Variants in PKNOX1 observed in about 807,000 individuals in gnomAD.
PKNOX1 encodes the protein homeobox protein PKNOX1.
Under a neutral mutation model 51.9 loss-of-function variants are expected in PKNOX1, and 15 were observed. The observed-to-expected ratio is 0.29, with a 90% CI of 0.19 to 0.45. The LOEUF (loss-of-function observed/expected upper bound fraction) is 0.45, where lower values mean the gene tolerates loss of function less well. Among genes scored for constraint, PKNOX1 ranks in the 20% least tolerant of loss-of-function variants. The probability of loss-of-function intolerance (pLI) is 1.00; values close to 1 mark genes in which losing one functional copy is unlikely to be tolerated. For synonymous variants in PKNOX1, 219 were observed against 211.1 expected (o/e 1.04, Z -0.32); for missense variants, 462 against 547.5 (o/e 0.84, Z 1.56).
chr21:43,017,064 G>A (rs1000331560), intron 6 of PKNOX1, 57 bp downstream of exon 6: 3 of 1,136,762 alleles, frequency 2.6e-6, no homozygotes. Flanking sequence ...AAATGGTCCT[G>A]TGTGTTAGAA....
intron 4 of PKNOX1, 21 bp from the exon 5 acceptor site, chr21:43,013,047 T>G: frequency 6.4e-7 from 1 of 1,559,676 alleles, no homozygotes; most frequent in South Asian, 1.2e-5. Flanking sequence ...TCTCTGAAAG[T>G]CTTCATTTTC....
chr21:43,026,600 T>C (rs1266666353), intron 9 of PKNOX1, among the ~76,000 whole-genome samples: 1 of 151,978 alleles, frequency 6.6e-6, no homozygotes, highest in Non-Finnish European at 1.5e-5. Flanking sequence ...CTACTAAAAA[T>C]AGAAAAATTA....
In PKNOX1 at chr21:43,021,440, G is replaced by A. The variant is rs756227647; in HGVS notation, c.849+9G>A. On this transcript the variant is annotated intron_variant, in intron 8 of 10. Transcript: ENST00000291547. This position sits in a 1 kb window ranked among gnomAD's most constrained non-coding sequence, Gnocchi z 4.6. ...TCTTCCAGCACATCGGGGTAAGGAC[G>A]GCTGGGCCAGCCCTTGCCTTGCAGC... The A allele has an allele frequency of 9.4e-6, 15 of 1,599,594 alleles. No individual in the cohort carries two copies. In the East Asian group the frequency reaches 1.3e-4, roughly 14 times the overall value.
intron 5 of PKNOX1, among the ~76,000 whole-genome samples, chr21:43,016,664 C>G (rs1335189940): frequency 6.6e-6 from 1 of 152,164 alleles, no homozygotes; most frequent in Non-Finnish European, 1.5e-5. Context: ...TGAAGATAAT[C>G]TTTTGGAAGC....
chr21:43,009,610 CAA>C lies in PKNOX1; in HGVS notation c.180-424_180-423del, dbSNP rs1202062070. The stretch of plus-strand genomic sequence containing the variant: ...TGGGCGACAGAGTGAGACTCCATCT[CAA>C]AAAAAAAAAAAAAAAAAAGGAATAA... On this transcript the variant is annotated intron_variant, in intron 3 of 10. Transcript: ENST00000291547. Among the ~76,000 whole-genome samples the C allele has an allele frequency of 5.3e-5, 4 of 76,146 alleles. No homozygotes were observed. In the South Asian group the frequency reaches 2.0e-3, roughly 39 times the overall value. The allele number at this position is 76,146 out of a possible 152,430, so 50.0% of individuals were successfully genotyped here. A position where few individuals can be genotyped will look rare whatever the true frequency, so the allele number is the denominator to read the frequency against.
Position 43,013,213 on chromosome 21 carries a change from G to C in PKNOX1, c.497G>C (p.Ser166Thr), listed in dbSNP as rs759528461. 9 of 1,612,530 alleles carry C rather than the reference G, an allele frequency of 5.6e-6. No individual in the cohort carries two copies. Among genetic ancestry groups the C allele is most frequent in the Non-Finnish European group, 7.6e-6 (9 of 1,179,212 alleles). Reference protein sequence around the residue: ...SETLLSGEPGSPYSPVQSQQI... With the variant: ...SETLLSGEPGTPYSPVQSQQI... ...ACTCTGTTGAGTGGAGAGCCTGGAA[G>C]CCCGTACTCACCAGTGCAGTCCCAG... Residue 166 changes from serine to threonine, a missense_variant, in exon 5 of 11, where the codon AGC (serine) becomes ACC (threonine). Transcript: ENST00000291547.
chr21:42,981,864 A>G (rs1366104890), intron 1 of PKNOX1, among the ~76,000 whole-genome samples: 1 of 152,176 alleles, frequency 6.6e-6, no homozygotes, highest in Non-Finnish European at 1.5e-5. Context: ...GGGATAAAGA[A>G]AACAGGAGTC....
intron 1 of PKNOX1, among the ~76,000 whole-genome samples, chr21:42,987,404 A>AAAAAAAATATATAT: frequency 9.7e-5 from 4 of 41,414 alleles, no homozygotes; most frequent in African/African-American, 2.8e-4. Flanking sequence ...AAAAAAAAAA[A>AAAAAAAATATATAT]ATATATATAT....
In PKNOX1 at chr21:43,021,180, A is replaced by T; in HGVS notation, c.721-123A>T. On this transcript the variant is annotated intron_variant, in intron 7 of 10. Coordinates refer to ENST00000291547, the MANE Select transcript of PKNOX1 (RefSeq NM_004571.5). This position sits in a 1 kb window ranked among gnomAD's most constrained non-coding sequence, Gnocchi z 4.6. Reference sequence around the variant, plus strand: ...ATCAGTCCACACAGGGTTCCCGTGCATGGGCCTCGACTACAATCATTTCCC... The same window carrying T: ...ATCAGTCCACACAGGGTTCCCGTGCTTGGGCCTCGACTACAATCATTTCCC... 1.4e-6 allele frequency: 1 copy of T among 721,532 alleles called. No individual in the cohort carries two copies. The highest frequency in any genetic ancestry group is 2.2e-6 in the Non-Finnish European group (1 of 444,844). The allele number at this position is 721,532 out of a possible 1,614,324, so 44.7% of individuals were successfully genotyped here. A position where few individuals can be genotyped will look rare whatever the true frequency, so the allele number is the denominator to read the frequency against.
intron 1 of PKNOX1, among the ~76,000 whole-genome samples, chr21:43,001,612 C>T (rs1978757410): frequency 6.6e-6 from 1 of 152,180 alleles, no homozygotes; most frequent in South Asian, 2.1e-4. Context: ...AGGCTGTTCT[C>T]TCTCTTCCTG....
In PKNOX1 at chr21:43,018,180, G is replaced by A. The variant is rs758120734; in HGVS notation, c.670G>A (p.Val224Met). The A allele has an allele frequency of 2.5e-6, 4 of 1,613,566 alleles. No homozygotes were observed. The highest frequency in any genetic ancestry group is 3.4e-6 in the Non-Finnish European group (4 of 1,179,828). The change falls in exon 7 of 11, where the codon GTG becomes ATG. Residue 224 changes from valine to methionine, a missense_variant. Coordinates refer to ENST00000291547, the MANE Select transcript of PKNOX1 (RefSeq NM_004571.5). The stretch of plus-strand genomic sequence containing the variant: ...CACGGTCGTCACTCCCCAAGGCCAA[G>A]TGGTCACACAGACATTGTCGCCTGG... Reference protein sequence around the residue: ...PVTVVTPQGQVVTQTLSPGTI... With the variant: ...PVTVVTPQGQMVTQTLSPGTI...
chr21:42,998,247 A>G lies in PKNOX1; in HGVS notation c.-56-6079A>G, dbSNP rs1355247023. On this transcript the variant is annotated intron_variant, in intron 1 of 10. Transcript: ENST00000291547. ...CAGGGGAGCTCCTCTTTTTAAAACC[A>G]TCAGATCTTGTGGGACTTATTCGCT... Among the ~76,000 whole-genome samples, 8 of 152,312 alleles carry G rather than the reference A, an allele frequency of 5.3e-5. No homozygotes were observed. In the East Asian group the frequency reaches 1.5e-3, roughly 29 times the overall value.
At chr21:42,980,872 G>T (rs1023749891) in intron 1 of PKNOX1, among the ~76,000 whole-genome samples, 1 of 152,220 alleles carries the variant, frequency 6.6e-6, no homozygotes, top group Non-Finnish European at 1.5e-5. Flanking sequence ...ATTTCAGCTA[G>T]AAGTTTTTGC....
At position 43,029,424 on chromosome 21, in the gene PKNOX1, G is replaced by GTTTTTTTTTTTTTTTTTT. The variant is rs138486584; in HGVS notation, c.1100-462_1100-445dup. The stretch of plus-strand genomic sequence containing the variant: ...TTATTTTTTTTTATTTGTTTGCTTT[G>GTTTTTTTTTTTTTTTTTT]TTTTTTTTTTTTTTTTTTTTTGAGA... On this transcript the variant is annotated intron_variant, in intron 10 of 10. Transcript: ENST00000291547. Among the ~76,000 whole-genome samples, 78 of 63,286 alleles carry GTTTTTTTTTTTTTTTTTT rather than the reference G, an allele frequency of 1.2e-3. 13 individuals carry two copies. Among genetic ancestry groups the GTTTTTTTTTTTTTTTTTT allele is most frequent in the African/African-American group, 2.0e-3 (30 of 15,306 alleles). The allele number at this position is 63,286 out of a possible 152,430, so 41.5% of individuals were successfully genotyped here.
At chr21:43,011,003 C>T (rs1218484647) in intron 4 of PKNOX1, among the ~76,000 whole-genome samples, 1 of 151,604 alleles carries the variant, frequency 6.6e-6, no homozygotes, top group East Asian at 1.9e-4. Flanking sequence ...TGACCTGTGT[C>T]TGTCCTTGGC....
At chr21:42,981,672 G>A (rs192223763) in intron 1 of PKNOX1, among the ~76,000 whole-genome samples, 3 of 151,930 alleles carry the variant, frequency 2.0e-5, no homozygotes, top group Non-Finnish European at 4.4e-5. Flanking sequence ...TAATCTTCCC[G>A]CCACAGCCCC....
intron 4 of PKNOX1, 108 bp from the exon 5 acceptor site, chr21:43,012,960 G>T: frequency 1.2e-6 from 1 of 824,200 alleles, no homozygotes; most frequent in Non-Finnish European, 1.9e-6. Flanking sequence ...TTTGGTTATT[G>T]GCAGTAGAGA....
intron 1 of PKNOX1, among the ~76,000 whole-genome samples, chr21:42,984,197 C>T (rs2059040454): frequency 6.6e-6 from 1 of 152,092 alleles, no homozygotes; most frequent in Non-Finnish European, 1.5e-5. Context: ...GCCTCAGCCT[C>T]CCAAGGAGCT....
intron 9 of PKNOX1, 25 bp from the exon 10 acceptor site, chr21:43,028,677 G>A: frequency 6.2e-7 from 1 of 1,610,154 alleles, no homozygotes; most frequent in South Asian, 1.1e-5. Flanking sequence ...CTGTTTTCAT[G>A]GAAGCTTCTC....
Sources: allele counts gnomAD v4.1 joint callset (sites outside exome capture counted in the v4.1 genomes callset), GRCh38; gene constraint gnomAD v4.1.1; non-coding constraint Gnocchi (gnomAD v3.1); transcripts MANE v1.5; gene names NCBI Gene and HGNC (gene_info 2026-07-23, HGNC 2026-07-21).